Variants in LCT observed in about 807,000 individuals in gnomAD.
LCT encodes lactase.
A neutral mutation model predicts 173.0 loss-of-function variants in LCT; 90 were observed. The ratio of observed to expected loss-of-function variants is 0.52; its 90% CI spans 0.44 to 0.62. The LOEUF (loss-of-function observed/expected upper bound fraction) is 0.62. LCT is among the 20% of genes least tolerant of loss of function. The probability of loss-of-function intolerance (pLI) is 0.00; values close to 1 mark genes in which losing one functional copy is unlikely to be tolerated. For synonymous variants in LCT, 853 were observed against 957.6 expected (o/e 0.89, Z 2.02); for missense variants, 1,864 against 2,431.4 (o/e 0.77, Z 4.91).
At position 135,809,618 on chromosome 2, in the gene LCT, C is replaced by T; in HGVS notation, c.2729G>A (p.Gly910Asp). Residue 910 changes from glycine (G) to aspartate (D), a missense_variant, in exon 8 of 17, where the codon GGC (glycine) becomes GAC (aspartate). Transcript: ENST00000264162. The surrounding 1 kb of genome is among the most constrained non-coding windows in gnomAD (Gnocchi z 5.5). ...AATCTGATAAGCGGAAGAGGACACGCCCCACAGAAAGTCATCCCGAAACGT... is the reference window on the plus strand; with the variant it reads ...AATCTGATAAGCGGAAGAGGACACGTCCCACAGAAAGTCATCCCGAAACGT... ...HGTFRDDFLW[G>D]VSSSAYQIEG... 6.2e-7 allele frequency: 1 copy of T among 1,614,220 alleles called. No individual in the cohort carries two copies. The highest frequency in any genetic ancestry group is 1.1e-5 in the South Asian group (1 of 91,076).
At chr2:135,798,852 A>G (rs1186272336) in intron 12 of LCT, among the ~76,000 whole-genome samples, 1 of 152,132 alleles carries the variant, frequency 6.6e-6, no homozygotes, top group African/African-American at 2.4e-5. Flanking sequence ...TGGAACACAC[A>G]TGCCCTGGTA....
At position 135,822,516 on chromosome 2, in the gene LCT, A is replaced by G. The variant is rs1257373766; in HGVS notation, c.908-418T>C. ...GAACTCAAAGATCAGAAAGGGGTGG[A>G]ATATTTTTAAAATTGTGGTAAAATA... is the stretch of plus-strand genomic sequence containing the variant. On this transcript the variant is annotated intron_variant, in intron 4 of 16. Coordinates refer to ENST00000264162, the MANE Select transcript of LCT (RefSeq NM_002299.4). 2.9e-5 allele frequency: 6 copies of G among 208,334 alleles called. 1 individual carries two copies. The South Asian group carries it at 4.9e-4, about 17-fold the overall frequency. 12.9% of individuals were successfully genotyped at this position (208,334 alleles called of 1,614,324 possible).
intron 4 of LCT, among the ~76,000 whole-genome samples, 169 bp downstream of exon 4, chr2:135,823,732 G>A (rs943999480): frequency 1.3e-5 from 2 of 152,160 alleles, no homozygotes; most frequent in African/African-American, 4.8e-5. Flanking sequence ...GGTTGCAAGG[G>A]ACCATCAGTA....
chr2:135,795,015 C>CCA lies in LCT; in HGVS notation c.4977-242_4977-241dup, dbSNP rs530102634. Reference sequence around the variant, plus strand: ...ACAAGAGCCTCTGAAACCTGAAGGACCACACACACACGCACCCACGCGCGC... The same window carrying CCA: ...ACAAGAGCCTCTGAAACCTGAAGGACCACACACACACACGCACCCACGCGCGC... On this transcript the variant is annotated intron_variant, in intron 13 of 16. Coordinates refer to ENST00000264162, the MANE Select transcript of LCT (RefSeq NM_002299.4). 2.7e-3 allele frequency among the ~76,000 whole-genome samples: 371 copies of CCA among 136,846 alleles called. 4 individuals carry two copies. Among genetic ancestry groups the CCA allele is most frequent in the African/African-American group, 9.1e-3 (329 of 36,076 alleles). The allele number at this position is 136,846 out of a possible 152,430, so 89.8% of individuals were successfully genotyped here.
chr2:135,820,916 C>T (rs1380474665), intron 5 of LCT, among the ~76,000 whole-genome samples: 1 of 151,750 alleles, frequency 6.6e-6, no homozygotes, highest in Non-Finnish European at 1.5e-5. Context: ...AGTCTCGCTC[C>T]ATCACCCAGG....
At chr2:135,826,388 A>C (rs7569057) in intron 3 of LCT, among the ~76,000 whole-genome samples, 64,497 of 144,716 alleles carry the variant, frequency 0.45, 17,153 homozygotes, top group Middle Eastern at 0.76. Context: ...GAAACACTGT[A>C]TCTGCTACAA....
At chr2:135,832,388 C>T (rs2105557152) in intron 2 of LCT, among the ~76,000 whole-genome samples, 1 of 151,536 alleles carries the variant, frequency 6.6e-6, no homozygotes, top group African/African-American at 2.4e-5. Flanking sequence ...CCACTGCACT[C>T]TGGCCTGGGT....
At position 135,789,651 on chromosome 2, in the gene LCT, G is replaced by A. The variant is rs752957681; in HGVS notation, c.5483C>T (p.Ala1828Val). Residue 1828 changes from alanine (A) to valine (V), a missense_variant, in exon 16 of 17, where the codon GCG (alanine) becomes GTG (valine). This residue lies in a region of LCT where 514 missense variants were observed against 750.1 expected (regional missense o/e 0.69). Transcript: ENST00000264162. Reference protein sequence around the residue: ...PSLPRIPKASAKFYASVVRCN... With the variant: ...PSLPRIPKASVKFYASVVRCN... ...TCGGACCACAGAGGCGTAGAACTTC[G>A]CTGATGCTTTGGGGATCCTTGGCAG... 5 of 1,614,006 alleles carry A rather than the reference G, an allele frequency of 3.1e-6. No homozygotes were observed. Among genetic ancestry groups the A allele is most frequent in the Non-Finnish European group, 3.4e-6 (4 of 1,180,030 alleles).
rs372587347 is a variant in LCT at position 135,809,555 on chromosome 2, A to G, written c.2792T>C (p.Ile931Thr). Residue 931 changes from isoleucine (I) to threonine (T), a missense_variant, in exon 8 of 17, where the codon ATC becomes ACC. By Grantham distance (89) the Ile-to-Thr change is moderately conservative (BLOSUM62 -1). Around this residue, in one of 4 missense-constraint regions of LCT, gnomAD observed 755 missense variants for 926.3 expected, o/e 0.82. Transcript: ENST00000264162. This position sits in a 1 kb window ranked among gnomAD's most constrained non-coding sequence, Gnocchi z 5.5. The part of the protein sequence containing the change: ...AWDADGKGPS[I>T]WDNFTHTPGS... ...TGGTGTGTGGGTAAAGTTATCCCAG[A>G]TGCTGGGGCCTTTGCCATCGGCATC... 5.6e-6 allele frequency: 9 copies of G among 1,614,112 alleles called. No homozygotes were observed. The African/African-American group carries it at 1.2e-4, about 22-fold the overall frequency.
chr2:135,814,835 A>AT (rs1407675739), intron 6 of LCT, among the ~76,000 whole-genome samples: 3 of 151,828 alleles, frequency 2.0e-5, no homozygotes, highest in South Asian at 2.1e-4. Context: ...TTTTCTTTAA[A>AT]TTTTTTCCTT....
chr2:135,829,427 T>A (rs2077915149), intron 3 of LCT, among the ~76,000 whole-genome samples, 166 bp downstream of exon 3: 1 of 152,154 alleles, frequency 6.6e-6, no homozygotes, highest in African/African-American at 2.4e-5. Flanking sequence ...TAACATCCGA[T>A]GTTCTCTAGG....
chr2:135,800,226 A>G (rs1298549045), intron 12 of LCT, among the ~76,000 whole-genome samples: 1 of 152,084 alleles, frequency 6.6e-6, no homozygotes, highest in Non-Finnish European at 1.5e-5. Context: ...CTAGGCTTAG[A>G]TCCTAATAAT....
In LCT at chr2:135,787,962, T is replaced by C. The variant is rs1559546822; in HGVS notation, c.*362A>G. The C allele has an allele frequency of 6.5e-6, 2 of 309,384 alleles. No individual in the cohort carries two copies. Among genetic ancestry groups the C allele is most frequent in the South Asian group, 3.2e-5 (1 of 31,578 alleles). 19.2% of individuals were successfully genotyped at this position (309,384 alleles called of 1,614,324 possible). On this transcript the variant is annotated 3_prime_UTR_variant, in exon 17 of 17. Coordinates refer to ENST00000264162, the MANE Select transcript of LCT (RefSeq NM_002299.4). Reference sequence around the variant, plus strand: ...ATGCAATGGAGTTGATTTCTTCTTATAGGAAGGATTTTTACGGTTTTTGCT... The same window carrying C: ...ATGCAATGGAGTTGATTTCTTCTTACAGGAAGGATTTTTACGGTTTTTGCT...
intron 14 of LCT, among the ~76,000 whole-genome samples, chr2:135,791,661 C>T (rs553224819): frequency 6.6e-6 from 1 of 152,266 alleles, no homozygotes; most frequent in East Asian, 1.9e-4. Flanking sequence ...TTCCCAGGGA[C>T]AGCCCCAGGG....
Position 135,807,333 on chromosome 2 carries a change from T to C in LCT, c.3968A>G (p.Glu1323Gly), listed in dbSNP as rs753543430. 5 of 1,614,080 alleles carry C rather than the reference T, an allele frequency of 3.1e-6. No homozygotes were observed. In the South Asian group the frequency reaches 5.5e-5, roughly 18 times the overall value. Residue 1323 changes from glutamate (E) to glycine (G), a missense_variant, in exon 9 of 17, where the codon GAG becomes GGG. This residue lies in a region of LCT where 755 missense variants were observed against 926.3 expected (regional missense o/e 0.82). Coordinates refer to ENST00000264162, the MANE Select transcript of LCT (RefSeq NM_002299.4). ...CTTGACCGTGTAGCCATTTAGCCAC[T>C]CAAAGTTGTCCATCAGAGACCAGGC... ...YVAWSLMDNF[E>G]WLNGYTVKFG...
Position 135,821,855 on chromosome 2 carries a change from C to T in LCT, c.986+165G>A, listed in dbSNP as rs556076251. 28 of 630,720 alleles carry T rather than the reference C, an allele frequency of 4.4e-5. No homozygotes were observed. In the African/African-American group the frequency reaches 4.9e-4, roughly 11 times the overall value. 39.1% of individuals were successfully genotyped at this position (630,720 alleles called of 1,614,324 possible). A position where few individuals can be genotyped will look rare whatever the true frequency, so the allele number is the denominator to read the frequency against. On this transcript the variant is annotated intron_variant, in intron 5 of 16. Coordinates refer to ENST00000264162, the MANE Select transcript of LCT (RefSeq NM_002299.4). ...CGTGAGTCCCACTCAGTAAGAGACTCCCTACTTTCTTTCTGAGTCTTTGTT... is the reference window on the plus strand; with the variant it reads ...CGTGAGTCCCACTCAGTAAGAGACTTCCTACTTTCTTTCTGAGTCTTTGTT...
At chr2:135,820,761 G>A (rs893212281) in intron 5 of LCT, 24 of 152,170 alleles carry the variant, frequency 1.6e-4, no homozygotes, top group African/African-American at 5.8e-4. Context: ...GGAGCGCTGA[G>A]GTTCTGGGCA....
chr2:135,808,650 C>G lies in LCT; in HGVS notation c.3697G>C (p.Ala1233Pro). The G allele has an allele frequency of 6.2e-7, 1 of 1,614,200 alleles. No homozygotes were observed. The highest frequency in any genetic ancestry group is 1.1e-5 in the South Asian group (1 of 91,088). ...PPSYEDDQEM[A>P]EEEDPSWPST... is the part of the protein sequence containing the mutation. ...GGCCACGAAGGGTCCTCCTCCTCAG[C>G]CATCTCCTGGTCGTCTTCGTAGGAG... is the stretch of plus-strand genomic sequence containing the variant. Residue 1233 changes from alanine to proline, a missense_variant, in exon 8 of 17, where the codon GCT (alanine) becomes CCT (proline). Ala to Pro is a conservative substitution (Grantham distance 27). This residue lies in a region of LCT where 755 missense variants were observed against 926.3 expected (regional missense o/e 0.82). Coordinates refer to ENST00000264162, the MANE Select transcript of LCT (RefSeq NM_002299.4).
At chr2:135,831,920 A>G (rs1197942171) in intron 2 of LCT, among the ~76,000 whole-genome samples, 3 of 152,176 alleles carry the variant, frequency 2.0e-5, no homozygotes, top group Admixed American at 2.0e-4. Flanking sequence ...TTTTTCTTTT[A>G]AAAATTATAG....
Sources: gnomAD v4.1 joint callset for allele counts (sites outside exome capture counted in the v4.1 genomes callset) on GRCh38, gnomAD v4.1.1 for gene constraint, gnomAD v4.1.1 regional missense constraint, Gnocchi (gnomAD v3.1) non-coding constraint, MANE v1.5 for transcripts, NCBI Gene and HGNC (gene_info 2026-07-23, HGNC 2026-07-21) for gene names.